Variants in RNF111 observed in about 807,000 individuals in gnomAD.
RNF111 encodes the protein E3 ubiquitin-protein ligase Arkadia.
RNF111 carries 17 observed loss-of-function variants against 95.1 expected under a neutral mutation model. The observed-to-expected ratio is 0.18, with a 90% CI of 0.12 to 0.27. The LOEUF is 0.27. Among genes scored for constraint, RNF111 ranks in the 10% least tolerant of loss-of-function variants. RNF111 has a pLI of 1.00. For missense variants in RNF111, 1,189 were observed against 1,210.4 expected (o/e 0.98, Z 0.26); for synonymous variants, 440 against 414.8 (o/e 1.06, Z -0.74).
intron 2 of RNF111, among the ~76,000 whole-genome samples, chr15:59,046,202 T>C (rs2041699981): frequency 6.6e-6 from 1 of 151,988 alleles, no homozygotes; most frequent in African/African-American, 2.4e-5. Context: ...TTTTTTCCCT[T>C]TAATTTTTTG....
chr15:58,998,896 C>T (rs2039202795), intron 1 of RNF111, among the ~76,000 whole-genome samples: 1 of 152,168 alleles, frequency 6.6e-6, no homozygotes, highest in African/African-American at 2.4e-5. Flanking sequence ...CAATATTTTT[C>T]AGATGACCAT....
chr15:58,998,921 A>T (rs1462003871), intron 1 of RNF111, among the ~76,000 whole-genome samples: 2 of 152,224 alleles, frequency 1.3e-5, no homozygotes, highest in African/African-American at 4.8e-5. Flanking sequence ...TTACAAAGTC[A>T]TGTCTGGGTG....
In RNF111 at chr15:59,071,481, G is replaced by A. The variant is rs544835325; in HGVS notation, c.1686+4398G>A. Among the ~76,000 whole-genome samples, 402 of 152,116 alleles carry A rather than the reference G, an allele frequency of 2.6e-3. 1 individual carries two copies. The highest frequency in any genetic ancestry group is 0.01 in the Middle Eastern group (3 of 294). On this transcript the variant is annotated intron_variant, in intron 6 of 13. Coordinates refer to ENST00000348370, the MANE Select transcript of RNF111 (RefSeq NM_017610.8). ...GTGGATCGCTTGACCGCAAGAGTTC[G>A]AGACCACCCTGTGCAACATGGTGAA...
intron 1 of RNF111, among the ~76,000 whole-genome samples, chr15:59,006,455 T>G (rs1039662656): frequency 3.3e-5 from 5 of 152,192 alleles, no homozygotes; most frequent in Admixed American, 6.5e-5. Flanking sequence ...AGTAGTAGTA[T>G]TATTACTCTT....
At chr15:59,074,239 T>A (rs116095414) in intron 6 of RNF111, among the ~76,000 whole-genome samples, 1,565 of 152,306 alleles carry the variant, frequency 0.01, 23 homozygotes, top group African/African-American at 0.036. Flanking sequence ...GGATTTTAAG[T>A]CACTAGCTAC....
intron 6 of RNF111, among the ~76,000 whole-genome samples, chr15:59,074,617 T>G (rs1257068160): frequency 3.9e-5 from 6 of 152,228 alleles, no homozygotes; most frequent in African/African-American, 1.4e-4. Context: ...GGCTTTGGCT[T>G]AAGAGAATAT....
At chr15:59,047,880 A>G (rs1440990707) in intron 2 of RNF111, among the ~76,000 whole-genome samples, 1 of 152,182 alleles carries the variant, frequency 6.6e-6, no homozygotes, top group Non-Finnish European at 1.5e-5. Context: ...CAGCCTACTT[A>G]TTTTAGAAAT....
chr15:59,091,014 A>G (rs1008338560), intron 11 of RNF111, 45 bp from the exon 12 acceptor site: 7 of 1,149,068 alleles, frequency 6.1e-6, no homozygotes, highest in African/African-American at 1.5e-5. Flanking sequence ...TGTTCAAGGA[A>G]TAATCATCTT....
At chr15:59,012,986 G>T (rs1238070385) in intron 1 of RNF111, among the ~76,000 whole-genome samples, 1 of 152,076 alleles carries the variant, frequency 6.6e-6, no homozygotes, top group Non-Finnish European at 1.5e-5. Flanking sequence ...TGATCCACCT[G>T]CCTTGGCCTC....
chr15:59,046,277 T>G (rs527882684), intron 2 of RNF111, among the ~76,000 whole-genome samples: 1 of 151,872 alleles, frequency 6.6e-6, no homozygotes, highest in African/African-American at 2.4e-5. Context: ...CCCTGCAGCC[T>G]CAGCCTCCAG....
chr15:59,050,405 G>A (rs1458978400), intron 2 of RNF111: 1 of 152,540 alleles, frequency 6.6e-6, no homozygotes, highest in Non-Finnish European at 1.5e-5. Flanking sequence ...ATTATTGGAA[G>A]ATGGTGGTTT....
intron 1 of RNF111, among the ~76,000 whole-genome samples, chr15:59,000,599 A>G (rs2039283487): frequency 6.6e-6 from 1 of 151,578 alleles, no homozygotes; most frequent in African/African-American, 2.4e-5. Flanking sequence ...AATCCTAGCT[A>G]TTCGGGAGGC....
chr15:59,043,365 C>G (rs1445105186), intron 2 of RNF111, among the ~76,000 whole-genome samples: 2 of 152,026 alleles, frequency 1.3e-5, no homozygotes, highest in African/African-American at 4.8e-5. Context: ...CCATGTTGGC[C>G]AGACTGGTCT....
chr15:59,004,370 T>A (rs1423294872), intron 1 of RNF111, among the ~76,000 whole-genome samples: 1 of 152,148 alleles, frequency 6.6e-6, no homozygotes, highest in East Asian at 1.9e-4. Context: ...TGTGTGTAGA[T>A]GAGACTTAAC....
At chr15:59,022,252 AC>A (rs1483629921) in intron 1 of RNF111, among the ~76,000 whole-genome samples, 1 of 152,094 alleles carries the variant, frequency 6.6e-6, no homozygotes, top group East Asian at 1.9e-4. Context: ...CTAGTTCTCT[AC>A]CCTAAGTGTT....
chr15:59,022,851 G>C (rs1168442924), intron 1 of RNF111, among the ~76,000 whole-genome samples: 1 of 152,180 alleles, frequency 6.6e-6, no homozygotes, highest in Non-Finnish European at 1.5e-5. Context: ...TTTTACTTTG[G>C]ATCTGAGAAA....
intron 1 of RNF111, among the ~76,000 whole-genome samples, chr15:59,020,877 G>C (rs1948723443): frequency 6.6e-6 from 1 of 152,242 alleles, no homozygotes; most frequent in Middle Eastern, 3.4e-3. Context: ...ACTTTTGTGG[G>C]AACAGTTTTT....
intron 2 of RNF111, among the ~76,000 whole-genome samples, chr15:59,045,898 G>A (rs2041685809): frequency 6.6e-6 from 1 of 152,094 alleles, no homozygotes; most frequent in South Asian, 2.1e-4. Context: ...ATAGCCACTT[G>A]GGTGCTACTG....
At chr15:59,031,789 T>C in intron 2 of RNF111, 87 bp downstream of exon 2, 2 of 1,154,546 alleles carry the variant, frequency 1.7e-6, no homozygotes, top group Non-Finnish European at 2.5e-6. Context: ...TGATTTTATT[T>C]AAAGGGACTA....
Sources: allele counts gnomAD v4.1 joint callset (sites outside exome capture counted in the v4.1 genomes callset), GRCh38; gene constraint gnomAD v4.1.1; transcripts MANE v1.5; gene names NCBI Gene and HGNC (gene_info 2026-07-23, HGNC 2026-07-21).